Variants in GRID2 observed in about 807,000 individuals in gnomAD.
GRID2 encodes glutamate receptor ionotropic, delta-2.
In GRID2, 33 loss-of-function variants were observed where a neutral mutation model predicts 114.8. The ratio of observed to expected loss-of-function variants is 0.29; its 90% confidence interval spans 0.22 to 0.38. GRID2 has a LOEUF of 0.38. Ranked by LOEUF, GRID2 falls within the 10% of genes least tolerant of loss-of-function variation. The pLI is 1.00. For synonymous variants in GRID2, 505 were observed against 449.9 expected, an observed-to-expected ratio of 1.12 and a Z score of -1.55; for missense variants, 1,184 against 1,257.7, an observed-to-expected ratio of 0.94 and a Z score of 0.89.
intron 1 of GRID2, among the ~76,000 whole-genome samples, chr4:92,317,079 T>C (rs28396937): frequency 0.19 from 28,319 of 152,130 alleles, 3,899 homozygotes; most frequent in African/African-American, 0.4. Flanking sequence ...AATTTAATAC[T>C]GTATATCAGA....
intron 14 of GRID2, among the ~76,000 whole-genome samples, chr4:93,695,198 GAGCGCCATGGA>G (rs1726914396): frequency 6.6e-6 from 1 of 151,036 alleles, no homozygotes; most frequent in African/African-American, 2.4e-5. Context: ...AATGGTTACT[GAGCGCCATGGA>G]AGGGCACTGG....
chr4:93,412,342 C>T (rs1053639718), intron 9 of GRID2, among the ~76,000 whole-genome samples: 1 of 151,548 alleles, frequency 6.6e-6, no homozygotes, highest in African/African-American at 2.4e-5. Flanking sequence ...TGTAATGAGC[C>T]GTGATTGTGC....
At chr4:93,398,723 T>C (rs1765591903) in intron 9 of GRID2, among the ~76,000 whole-genome samples, 1 of 151,574 alleles carries the variant, frequency 6.6e-6, no homozygotes, top group African/African-American at 2.4e-5. Flanking sequence ...TGAATATGGT[T>C]TTGTGACTGG....
intron 12 of GRID2, among the ~76,000 whole-genome samples, chr4:93,503,848 T>C (rs187048166): frequency 6.6e-6 from 1 of 152,096 alleles, no homozygotes; most frequent in African/African-American, 2.4e-5. Context: ...AAAATATTTA[T>C]TTTGAGAAAT....
rs151187839 is a variant in GRID2 at position 93,566,081 on chromosome 4, T to A, written c.2193+50670T>A. Among the ~76,000 whole-genome samples, 59 of 152,246 alleles carry A rather than the reference T, an allele frequency of 3.9e-4. No homozygotes were observed. The East Asian group carries it at 8.3e-3, about 21-fold the overall frequency. The stretch of plus-strand genomic sequence containing the variant: ...ATTTATCATTTTTCTAAGACGTCAA[T>A]GTCCTCTACCATATTTCTACACCTG... On this transcript the variant is annotated intron_variant, in intron 13 of 15. Transcript: ENST00000282020.
At chr4:92,470,476 T>G (rs1338953060) in intron 1 of GRID2, among the ~76,000 whole-genome samples, 1 of 151,950 alleles carries the variant, frequency 6.6e-6, no homozygotes, top group Non-Finnish European at 1.5e-5. Flanking sequence ...CTTTCATTTA[T>G]TTCTGAAAAA....
At chr4:93,137,391 C>T (rs1487650008) in intron 4 of GRID2, among the ~76,000 whole-genome samples, 2 of 152,104 alleles carry the variant, frequency 1.3e-5, no homozygotes, top group Non-Finnish European at 2.9e-5. Context: ...TTATATTAAG[C>T]AATCTTCCAT....
intron 2 of GRID2, among the ~76,000 whole-genome samples, chr4:93,069,328 G>T (rs1045691702): frequency 6.6e-6 from 1 of 151,736 alleles, no homozygotes; most frequent in Non-Finnish European, 1.5e-5. Flanking sequence ...ATACTTAGAA[G>T]AAATTGGTTT....
chr4:93,443,968 A>C (rs1721862221), intron 10 of GRID2, among the ~76,000 whole-genome samples: 1 of 151,918 alleles, frequency 6.6e-6, no homozygotes, highest in African/African-American at 2.4e-5. Flanking sequence ...AAGCAATGTG[A>C]AAATATTTAG....
intron 1 of GRID2, among the ~76,000 whole-genome samples, chr4:92,451,609 A>G (rs1720929475): frequency 6.6e-6 from 1 of 152,172 alleles, no homozygotes; most frequent in Non-Finnish European, 1.5e-5. Flanking sequence ...ATAGAAGTAG[A>G]AGCAAATCCT....
At chr4:93,601,561 A>G (rs1739687024) in intron 13 of GRID2, among the ~76,000 whole-genome samples, 1 of 152,232 alleles carries the variant, frequency 6.6e-6, no homozygotes, top group South Asian at 2.1e-4. Flanking sequence ...AAGTTCAGCC[A>G]TGAAAAAGAT....
At chr4:92,529,088 G>A (rs1725186403) in intron 1 of GRID2, among the ~76,000 whole-genome samples, 1 of 152,084 alleles carries the variant, frequency 6.6e-6, no homozygotes, top group Admixed American at 6.6e-5. Flanking sequence ...AACCAACGCT[G>A]AACTTCGGTC....
intron 2 of GRID2, among the ~76,000 whole-genome samples, chr4:92,622,693 G>A (rs925711385): frequency 5.3e-5 from 8 of 151,680 alleles, no homozygotes; most frequent in East Asian, 1.9e-4. Context: ...ATCAGTCATC[G>A]TCATCATCTT....
intron 2 of GRID2, among the ~76,000 whole-genome samples, chr4:92,738,132 T>C (rs1736693089): frequency 6.6e-6 from 1 of 152,198 alleles, no homozygotes; most frequent in Non-Finnish European, 1.5e-5. Flanking sequence ...TGGTGTGAGA[T>C]GGTATCTCAT....
intron 2 of GRID2, among the ~76,000 whole-genome samples, chr4:92,661,035 T>A (rs995232128): frequency 6.6e-6 from 1 of 150,924 alleles, no homozygotes; most frequent in Non-Finnish European, 1.5e-5. Flanking sequence ...TGTAGGACTT[T>A]GTCAAGTGGA....
intron 2 of GRID2, among the ~76,000 whole-genome samples, chr4:93,016,757 T>C (rs1351889395): frequency 2.0e-5 from 3 of 152,092 alleles, no homozygotes; most frequent in Non-Finnish European, 4.4e-5. Context: ...AAAAGATAAA[T>C]GAAGACAAAT....
chr4:92,394,248 C>G lies in GRID2; in HGVS notation c.88+89504C>G, dbSNP rs139711403. On this transcript the variant is annotated intron_variant, in intron 1 of 15. Coordinates refer to ENST00000282020, the MANE Select transcript of GRID2 (RefSeq NM_001510.4). Reference sequence around the variant, plus strand: ...TTTATATTGCATTATAATTTATCAACTATTTTTAATCAGTGTCTTCTACAT... The same window carrying G: ...TTTATATTGCATTATAATTTATCAAGTATTTTTAATCAGTGTCTTCTACAT... Among the ~76,000 whole-genome samples, 108 of 152,168 alleles carry G rather than the reference C, an allele frequency of 7.1e-4. No homozygotes were observed. The East Asian group carries it at 0.016, about 23-fold the overall frequency.
chr4:93,352,534 A>G (rs1455198931), intron 8 of GRID2, among the ~76,000 whole-genome samples: 1 of 152,028 alleles, frequency 6.6e-6, no homozygotes, highest in Non-Finnish European at 1.5e-5. Flanking sequence ...AAGCTTAGTG[A>G]GAAGTTAAAT....
chr4:92,868,943 T>G (rs1745087673), intron 2 of GRID2, among the ~76,000 whole-genome samples: 1 of 152,172 alleles, frequency 6.6e-6, no homozygotes, highest in Admixed American at 6.5e-5. Flanking sequence ...GATTTCAAAT[T>G]GTTTGATTTT....
Sources: gnomAD v4.1 joint callset for allele counts (sites outside exome capture counted in the v4.1 genomes callset) on GRCh38, gnomAD v4.1.1 for gene constraint, MANE v1.5 for transcripts, NCBI Gene and HGNC (gene_info 2026-07-23, HGNC 2026-07-21) for gene names.